The following PALLD variants were observed in gnomAD, a reference collection of about 807,000 sequenced individuals.
PALLD encodes the protein palladin, cytoskeletal associated protein.
Under a neutral mutation model 123.5 loss-of-function variants are expected in PALLD, and 61 were observed. That is an observed-to-expected ratio of 0.49 (90% confidence interval 0.40 to 0.61). The LOEUF (loss-of-function observed/expected upper bound fraction) is 0.61. PALLD is among the 20% of genes least tolerant of loss of function. The pLI, the probability that PALLD is intolerant of heterozygous loss-of-function variation, is 0.00. For synonymous variants in PALLD, 465 were observed against 496.4 expected (o/e 0.94, Z 0.84); for missense variants, 1,273 against 1,377.0 (o/e 0.92, Z 1.20).
In PALLD at chr4:168,601,635, G is replaced by C. The variant is rs375813833; in HGVS notation, c.909-66555G>C. Reference sequence around the variant, plus strand: ...GTATTAAAAAAAAGAATAAAAATAAGTTGTCTGATAATCTAACATGCCCAG... The same window carrying C: ...GTATTAAAAAAAAGAATAAAAATAACTTGTCTGATAATCTAACATGCCCAG... On this transcript the variant is annotated intron_variant, in intron 2 of 21. Coordinates refer to ENST00000505667, the MANE Select transcript of PALLD (RefSeq NM_001166108.2). 3.3e-5 allele frequency among the ~76,000 whole-genome samples: 5 copies of C among 152,180 alleles called. No individual in the cohort carries two copies. In the East Asian group the frequency reaches 9.7e-4, roughly 29 times the overall value.
At chr4:168,881,816 A>G (rs1234556124) in intron 10 of PALLD, among the ~76,000 whole-genome samples, 2 of 152,144 alleles carry the variant, frequency 1.3e-5, no homozygotes, top group South Asian at 2.1e-4. Context: ...ATGTTTCTCC[A>G]CATAGTAAAT....
At chr4:168,909,751 AT>A (rs1758524977) in intron 15 of PALLD, among the ~76,000 whole-genome samples, 1 of 152,188 alleles carries the variant, frequency 6.6e-6, no homozygotes, top group Admixed American at 6.5e-5. Context: ...AAAATCACTT[AT>A]TGCTAATTCT....
intron 10 of PALLD, among the ~76,000 whole-genome samples, chr4:168,828,134 T>C (rs1387849265): frequency 6.6e-6 from 1 of 152,166 alleles, no homozygotes; most frequent in Non-Finnish European, 1.5e-5. Context: ...TAGACAACAT[T>C]GATCACTCTG....
intron 1 of PALLD, among the ~76,000 whole-genome samples, chr4:168,510,770 CT>C (rs1275135906): frequency 6.6e-6 from 1 of 152,184 alleles, no homozygotes; most frequent in Non-Finnish European, 1.5e-5. Context: ...TGGTTTCATG[CT>C]CATGCAGAGT....
Position 168,860,967 on chromosome 4 carries a change from C to T in PALLD, c.1965-29955C>T, listed in dbSNP as rs187319969. 4.3e-3 allele frequency among the ~76,000 whole-genome samples: 654 copies of T among 152,310 alleles called. 4 individuals are homozygous for T. Among genetic ancestry groups the T allele is most frequent in the African/African-American group, 0.014 (584 of 41,560 alleles). ...TGAAGAAGCTGGTTTCTATGTACTT[C>T]AAATAATATTTTGGTGTGAGGCCCC... On this transcript the variant is annotated intron_variant, in intron 10 of 21. Coordinates refer to ENST00000505667, the MANE Select transcript of PALLD (RefSeq NM_001166108.2).
At chr4:168,574,108 G>C (rs1490482846) in intron 2 of PALLD, among the ~76,000 whole-genome samples, 1 of 151,958 alleles carries the variant, frequency 6.6e-6, no homozygotes, top group Non-Finnish European at 1.5e-5. Flanking sequence ...AATAAAAAGG[G>C]CATGTTGAGA....
chr4:168,739,233 C>T (rs1004101090), intron 10 of PALLD, among the ~76,000 whole-genome samples: 9 of 152,282 alleles, frequency 5.9e-5, no homozygotes, highest in Non-Finnish European at 1.0e-4. Context: ...AACATGGAGG[C>T]GCAAGTATCT....
At chr4:168,735,470 C>G (rs551640281) in intron 10 of PALLD, among the ~76,000 whole-genome samples, 117 of 152,334 alleles carry the variant, frequency 7.7e-4, no homozygotes, top group African/African-American at 2.6e-3. Context: ...TAATAGAACA[C>G]ATTCTTATGC....
chr4:168,774,727 C>CAACAAAAAA (rs1281488508), intron 10 of PALLD, among the ~76,000 whole-genome samples: 1 of 73,228 alleles, frequency 1.4e-5, no homozygotes, highest in East Asian at 4.1e-4. Flanking sequence ...GACTGCATCT[C>CAACAAAAAA]AAAAAAAAAA....
At chr4:168,666,714 A>T (rs533166940) in intron 2 of PALLD, among the ~76,000 whole-genome samples, 1 of 152,280 alleles carries the variant, frequency 6.6e-6, no homozygotes, top group South Asian at 2.1e-4. Context: ...AAAAACCTCA[A>T]GGGCATTAAT....
chr4:168,710,947 A>C (rs1324454383), intron 9 of PALLD, among the ~76,000 whole-genome samples: 1 of 151,358 alleles, frequency 6.6e-6, no homozygotes, highest in Non-Finnish European at 1.5e-5. Flanking sequence ...TTTTGAGTGC[A>C]TGCCAGGAGC....
rs146018183 is a variant in PALLD, at chr4:168,512,268, G to A, written c.764G>A (p.Arg255His). The change falls in exon 2 of 22, where the codon CGC becomes CAC. Residue 255 changes from arginine (R) to histidine (H), a missense_variant. By Grantham distance (29) the Arg-to-His change is conservative. This residue lies in a region of PALLD where 944 missense variants were observed against 954.5 expected (regional missense o/e 0.99). Transcript: ENST00000505667. ...DNQDLAVPHNRKSHPQPHSAL... is the reference protein window; with the variant it reads ...DNQDLAVPHNHKSHPQPHSAL... Reference sequence around the variant, plus strand: ...CAGGACTTGGCAGTGCCACACAACCGCAAGTCTCACCCACAGCCCCACAGC... The same window carrying A: ...CAGGACTTGGCAGTGCCACACAACCACAAGTCTCACCCACAGCCCCACAGC... 2,878 of 1,614,042 alleles carry A rather than the reference G, an allele frequency of 1.8e-3. 8 individuals are homozygous for A. Among genetic ancestry groups the A allele is most frequent in the Non-Finnish European group, 2.1e-3 (2,442 of 1,180,010 alleles).
chr4:168,643,557 T>C (rs907099452), intron 2 of PALLD, among the ~76,000 whole-genome samples: 3 of 152,174 alleles, frequency 2.0e-5, no homozygotes, highest in African/African-American at 7.2e-5. Flanking sequence ...ATCCTGCCAA[T>C]GTACTTTGAA....
At chr4:168,872,786 C>CT (rs1427608168) in intron 10 of PALLD, among the ~76,000 whole-genome samples, 23 of 152,312 alleles carry the variant, frequency 1.5e-4, no homozygotes, top group African/African-American at 5.5e-4. Context: ...TATTGACCTT[C>CT]ATGCAGTGGA....
At chr4:168,674,830 T>C (rs1780670395) in intron 3 of PALLD, among the ~76,000 whole-genome samples, 1 of 152,138 alleles carries the variant, frequency 6.6e-6, no homozygotes, top group Admixed American at 6.5e-5. Flanking sequence ...GAATGGAGCA[T>C]GGGGTCAAAA....
At chr4:168,612,662 A>G (rs2149771367) in intron 2 of PALLD, among the ~76,000 whole-genome samples, 1 of 152,354 alleles carries the variant, frequency 6.6e-6, no homozygotes, top group East Asian at 1.9e-4. Flanking sequence ...GTCTGTCTCA[A>G]CACAGTGACT....
chr4:168,732,620 G>A (rs1787289363), intron 10 of PALLD, among the ~76,000 whole-genome samples: 1 of 148,544 alleles, frequency 6.7e-6, no homozygotes, highest in Admixed American at 6.7e-5. Context: ...GAAAAACATA[G>A]GGGCTTAAGG....
chr4:168,716,824 T>C (rs894253016), intron 10 of PALLD, among the ~76,000 whole-genome samples: 1 of 152,202 alleles, frequency 6.6e-6, no homozygotes, highest in Admixed American at 6.5e-5. Flanking sequence ...CCTTTATCAT[T>C]CTCTTTATTA....
chr4:168,627,153 T>G (rs1279345062), intron 2 of PALLD, among the ~76,000 whole-genome samples: 4 of 152,216 alleles, frequency 2.6e-5, no homozygotes, highest in Non-Finnish European at 5.9e-5. Flanking sequence ...GTGGGGCAAC[T>G]GGATCATTAA....
Sources: gnomAD v4.1 joint callset for allele counts (sites outside exome capture counted in the v4.1 genomes callset) on GRCh38, gnomAD v4.1.1 for gene constraint, gnomAD v4.1.1 regional missense constraint, MANE v1.5 for transcripts, NCBI Gene and HGNC (gene_info 2026-07-23, HGNC 2026-07-21) for gene names.